The following ASMTL variants were observed in gnomAD, a reference collection of about 807,000 sequenced individuals.
ASMTL encodes probable bifunctional dTTP/UTP pyrophosphatase/methyltransferase protein.
A neutral mutation model predicts 60.3 loss-of-function variants in ASMTL; 57 were observed. The observed-to-expected ratio is 0.95, with a 90% confidence interval of 0.76 to 1.18. The LOEUF is 1.18. Ranked by LOEUF, ASMTL falls within the 50% of genes most tolerant of loss-of-function variation. The probability of loss-of-function intolerance (pLI) is 0.00; values close to 1 mark genes in which losing one functional copy is unlikely to be tolerated. For synonymous variants in ASMTL, 419 were observed against 373.0 expected (o/e 1.12, Z -1.42); for missense variants, 981 against 852.6 (o/e 1.15, Z -1.88).
intron 11 of ASMTL, among the ~76,000 whole-genome samples, chrX:1,416,084 C>T (rs2090239877): frequency 6.7e-6 from 1 of 149,086 alleles, no homozygotes; most frequent in African/African-American, 2.5e-5. Context: ...GATGGGCACA[C>T]TCACGCACGG....
At chrX:1,425,110 G>C (rs1202124462) in intron 8 of ASMTL, among the ~76,000 whole-genome samples, 2 of 151,802 alleles carry the variant, frequency 1.3e-5, no homozygotes, top group East Asian at 3.8e-4. Flanking sequence ...CTATGTATCT[G>C]TCATCTCTCT....
intron 1 of ASMTL, among the ~76,000 whole-genome samples, chrX:1,450,585 T>C (rs1477733279): frequency 8.8e-4 from 41 of 46,842 alleles, no homozygotes; most frequent in South Asian, 1.6e-3. Flanking sequence ...CCCTAGGGGC[T>C]CTGGGTCACT....
intron 5 of ASMTL, among the ~76,000 whole-genome samples, chrX:1,434,165 G>A (rs1449977956): frequency 6.6e-6 from 1 of 152,104 alleles, no homozygotes; most frequent in Non-Finnish European, 1.5e-5. Context: ...CAGCAATATG[G>A]TGATACAACT....
chrX:1,443,427 C>CACCCAG (rs1569534757), intron 1 of ASMTL, among the ~76,000 whole-genome samples: 2 of 138,146 alleles, frequency 1.4e-5, no homozygotes, highest in African/African-American at 6.3e-5. Context: ...TGGACACACA[C>CACCCAG]CGCCATCTTG....
At position 1,419,069 on chromosome X, in the gene ASMTL, C is replaced by T. The variant is rs2090399618; in HGVS notation, c.1291G>A (p.Ala431Thr). 1.9e-6 allele frequency: 3 copies of T among 1,611,232 alleles called. No individual in the cohort carries two copies. The highest frequency in any genetic ancestry group is 2.5e-6 in the Non-Finnish European group (3 of 1,179,520). Residue 431 changes from alanine (A) to threonine (T), a missense_variant, in exon 10 of 13, where the codon GCC (alanine) becomes ACC (threonine). Coordinates refer to ENST00000381317, the MANE Select transcript of ASMTL (RefSeq NM_004192.4). ...SPETRLRFMRAMHGMTKLTAC... is the reference protein window; with the variant it reads ...SPETRLRFMRTMHGMTKLTAC... ...GTCAGCTTCGTCATGCCGTGCATGG[C>T]CCGCATGAACCTCAGCCGCGTCTCC...
chrX:1,417,024 CAG>C lies in ASMTL; in HGVS notation c.1522+947_1522+948del, dbSNP rs1212268770. The stretch of plus-strand genomic sequence containing the variant: ...GTGCACACACAGACTCAGAAACACA[CAG>C]AGACACAGACACAAGCACAGCAGAT... On this transcript the variant is annotated intron_variant, in intron 11 of 12. Transcript: ENST00000381317. Among the ~76,000 whole-genome samples the C allele has an allele frequency of 9.2e-4, 21 of 22,916 alleles. No homozygotes were observed. In the Non-Finnish European group the frequency reaches 0.013, roughly 14 times the overall value. 15.0% of individuals were successfully genotyped at this position (22,916 alleles called of 152,430 possible). A position where few individuals can be genotyped will look rare whatever the true frequency, so the allele number is the denominator to read the frequency against.
chrX:1,425,780 A>G, intron 7 of ASMTL, 93 bp from the exon 8 acceptor site: 4 of 1,302,562 alleles, frequency 3.1e-6, no homozygotes, highest in Non-Finnish European at 4.3e-6. Flanking sequence ...ACGCTGTCGG[A>G]AGTATACAAC....
At chrX:1,415,552 G>A (rs1199005902) in intron 11 of ASMTL, among the ~76,000 whole-genome samples, 31 of 149,032 alleles carry the variant, frequency 2.1e-4, no homozygotes, top group African/African-American at 7.7e-4. Flanking sequence ...TGCAACCTCC[G>A]CCTCCCAGGT....
intron 6 of ASMTL, among the ~76,000 whole-genome samples, chrX:1,431,684 TATA>T (rs772905971): frequency 1.3e-3 from 186 of 146,074 alleles, no homozygotes; most frequent in African/African-American, 4.6e-3. Context: ...TAATAGAATA[TATA>T]ATGTGGAATA....
chrX:1,433,812 C>A (rs759181259), intron 5 of ASMTL, among the ~76,000 whole-genome samples: 6 of 152,150 alleles, frequency 3.9e-5, no homozygotes, highest in Non-Finnish European at 5.9e-5. Context: ...CAGCACCCTG[C>A]GCTGTGCCTG....
intron 1 of ASMTL, among the ~76,000 whole-genome samples, chrX:1,450,622 T>C (rs1213631715): frequency 3.0e-4 from 20 of 65,638 alleles, no homozygotes; most frequent in East Asian, 1.6e-3. Flanking sequence ...CTAGGGGTTC[T>C]GGGTCACTCT....
chrX:1,415,468 T>A (rs1472824071), intron 11 of ASMTL, among the ~76,000 whole-genome samples: 2 of 25,492 alleles, frequency 7.8e-5, no homozygotes, highest in Non-Finnish European at 1.0e-4. Flanking sequence ...TTATTATCAT[T>A]GTCTTTTTTT....
chrX:1,446,832 G>T (rs750351120), intron 1 of ASMTL, among the ~76,000 whole-genome samples: 1 of 151,996 alleles, frequency 6.6e-6, no homozygotes, highest in Non-Finnish European at 1.5e-5. Context: ...TGGGAAAACT[G>T]GAAAAAGAAA....
At chrX:1,419,585 TCTCCA>T (rs1170980021) in intron 9 of ASMTL, among the ~76,000 whole-genome samples, 1 of 151,076 alleles carries the variant, frequency 6.6e-6, no homozygotes, top group African/African-American at 2.4e-5. Context: ...CCTCCGAGCT[TCTCCA>T]AGTCCCCCCA....
chrX:1,403,381 C>A lies in ASMTL; in HGVS notation c.1754G>T (p.Arg585Leu). 2 of 1,613,466 alleles carry A rather than the reference C, an allele frequency of 1.2e-6. No homozygotes were observed. Among genetic ancestry groups the A allele is most frequent in the Non-Finnish European group, 8.5e-7 (1 of 1,179,870 alleles). Residue 585 changes from arginine to leucine, a missense_variant, in exon 13 of 13, where the codon CGG becomes CTG. Coordinates refer to ENST00000381317, the MANE Select transcript of ASMTL (RefSeq NM_004192.4). ...NMLVQTEGKE[R>L]SLGEYQCLLE... Reference sequence around the variant, plus strand: ...CAAGCACTGATACTCGCCCAGGCTCCGCTCCTTGCCTTCAGTCTGCACCAG... The same window carrying A: ...CAAGCACTGATACTCGCCCAGGCTCAGCTCCTTGCCTTCAGTCTGCACCAG...
intron 12 of ASMTL, among the ~76,000 whole-genome samples, chrX:1,412,467 A>T (rs1276065481): frequency 6.6e-6 from 1 of 152,126 alleles, no homozygotes; most frequent in Admixed American, 6.6e-5. Context: ...ACCCCGGGTG[A>T]TCCACCTGCC....
chrX:1,428,239 C>T (rs1220794209), intron 6 of ASMTL, 118 bp from the exon 7 acceptor site: 1 of 1,284,918 alleles, frequency 7.8e-7, no homozygotes, highest in Non-Finnish European at 1.1e-6. Context: ...CGAGGCCATC[C>T]TGGCTAACAC....
At chrX:1,407,164 T>G (rs1161567625) in intron 12 of ASMTL, among the ~76,000 whole-genome samples, 1 of 145,046 alleles carries the variant, frequency 6.9e-6, no homozygotes, top group Non-Finnish European at 1.5e-5. Flanking sequence ...GGTAGATAGA[T>G]GAATGGATGT....
intron 12 of ASMTL, among the ~76,000 whole-genome samples, chrX:1,407,763 CAGAGACAGGGT>C (rs2089920599): frequency 6.6e-6 from 1 of 151,056 alleles, no homozygotes; most frequent in Non-Finnish European, 1.5e-5. Flanking sequence ...TAAAGAGAGA[CAGAGACAGGGT>C]GGAGAGAGGG....
Sources: gnomAD v4.1 joint callset for allele counts (sites outside exome capture counted in the v4.1 genomes callset) on GRCh38, gnomAD v4.1.1 for gene constraint, MANE v1.5 for transcripts, NCBI Gene and HGNC (gene_info 2026-07-23, HGNC 2026-07-21) for gene names.